Variants in MAN2A1 observed in about 807,000 individuals in gnomAD.
MAN2A1 encodes mannosidase alpha class 2A member 1, also known as alpha-mannosidase 2.
In MAN2A1, 76 loss-of-function variants were observed where a neutral mutation model predicts 142.6. The observed-to-expected ratio is 0.53, with a 90% CI of 0.44 to 0.65. The LOEUF (loss-of-function observed/expected upper bound fraction) is 0.65. Among genes scored for constraint, MAN2A1 ranks in the 30% least tolerant of loss-of-function variants. The pLI, the probability that MAN2A1 is intolerant of heterozygous loss-of-function variation, is 0.00. For synonymous variants in MAN2A1, 559 were observed against 473.2 expected, an observed-to-expected ratio of 1.18 and a Z score of -2.35; for missense variants, 1,311 against 1,365.1, an observed-to-expected ratio of 0.96 and a Z score of 0.62.
At chr5:109,789,321 A>G (rs748721706) in intron 11 of MAN2A1, 139 bp from the exon 12 acceptor site, 6 of 564,086 alleles carry the variant, frequency 1.1e-5, no homozygotes, top group Non-Finnish European at 1.8e-5. Flanking sequence ...CTTGGCTTTA[A>G]TTAGAAACCC....
intron 12 of MAN2A1, among the ~76,000 whole-genome samples, chr5:109,799,126 G>C (rs1400950329): frequency 6.6e-6 from 1 of 152,166 alleles, no homozygotes; most frequent in Non-Finnish European, 1.5e-5. Flanking sequence ...TCACACATTT[G>C]TTGGCGGAGT....
At chr5:109,753,734 A>G (rs1245905668) in intron 4 of MAN2A1, among the ~76,000 whole-genome samples, 1 of 152,130 alleles carries the variant, frequency 6.6e-6, no homozygotes, top group Non-Finnish European at 1.5e-5. Context: ...GTCTGCTTCA[A>G]CTAAATTTGG....
intron 4 of MAN2A1, 42 bp from the exon 5 acceptor site, chr5:109,755,287 C>G (rs1174062400): frequency 1.3e-6 from 2 of 1,506,180 alleles, no homozygotes; most frequent in African/African-American, 2.8e-5. Context: ...TTGAACTTTT[C>G]TTAACATTTA....
intron 3 of MAN2A1, among the ~76,000 whole-genome samples, chr5:109,720,815 T>C (rs1016613554): frequency 6.6e-6 from 1 of 152,194 alleles, no homozygotes; most frequent in Non-Finnish European, 1.5e-5. Flanking sequence ...TGGTGGAGAC[T>C]TAGAAGTCTG....
At chr5:109,749,274 A>G (rs1752486653) in intron 4 of MAN2A1, among the ~76,000 whole-genome samples, 2 of 152,134 alleles carry the variant, frequency 1.3e-5, no homozygotes, top group Middle Eastern at 3.2e-3. Context: ...GATTCTACAT[A>G]GGGGAAAAAG....
rs1334314723 is a variant in MAN2A1 at position 109,690,633 on chromosome 5, T to C, written c.135+81T>C. 7 of 1,461,784 alleles carry C rather than the reference T, an allele frequency of 4.8e-6. No individual in the cohort carries two copies. In the East Asian group the frequency reaches 1.5e-4, roughly 31 times the overall value. The allele number at this position is 1,461,784 out of a possible 1,614,324, so 90.6% of individuals were successfully genotyped here. On this transcript the variant is annotated intron_variant, in intron 1 of 21. Transcript: ENST00000261483. ...GGTTAGCGGCTGCTACCCAACCTCT[T>C]CCTCCCGCCGCGGCCCCACACCCGT...
In MAN2A1 at chr5:109,767,526, T is replaced by C. The variant is rs1017610474; in HGVS notation, c.836-9T>C. The C allele has an allele frequency of 2.5e-6, 4 of 1,605,166 alleles. No homozygotes were observed. Among genetic ancestry groups the C allele is most frequent in the Non-Finnish European group, 3.4e-6 (4 of 1,177,184 alleles). On this transcript the variant is annotated splice_polypyrimidine_tract_variant and intron_variant, in intron 5 of 21. Transcript: ENST00000261483. The stretch of plus-strand genomic sequence containing the variant: ...TAAAAAAATTAACACTTATCATCTT[T>C]ATCCACAGGAGTGAAACCTCGGTCC...
At chr5:109,704,572 C>G (rs754892936) in intron 1 of MAN2A1, among the ~76,000 whole-genome samples, 1 of 152,132 alleles carries the variant, frequency 6.6e-6, no homozygotes, top group Non-Finnish European at 1.5e-5. Flanking sequence ...GGCCTCAGCA[C>G]TACACATCTT....
Position 109,775,692 on chromosome 5 carries a change from T to G in MAN2A1, c.1374+727T>G, listed in dbSNP as rs77582214. 3.6e-3 allele frequency among the ~76,000 whole-genome samples: 548 copies of G among 152,216 alleles called. 5 individuals carry two copies. Among genetic ancestry groups the G allele is most frequent in the African/African-American group, 0.013 (530 of 41,554 alleles). On this transcript the variant is annotated intron_variant, in intron 8 of 21. Coordinates refer to ENST00000261483, the MANE Select transcript of MAN2A1 (RefSeq NM_002372.4). ...TTTCATATAGTTTCACCTGTAAATA[T>G]TTCAGTATGTATCTCTAAATTATAA... is the stretch of plus-strand genomic sequence containing the variant.
rs983838265 is a variant in MAN2A1, at chr5:109,804,179, G to A, written c.1944-13094G>A. On this transcript the variant is annotated intron_variant, in intron 12 of 21. Transcript: ENST00000261483. Reference sequence around the variant, plus strand: ...ATTAATAAAGCGTGCACAACAAGAGGAACAAGGAAAAGGATTTTAGTGAAG... The same window carrying A: ...ATTAATAAAGCGTGCACAACAAGAGAAACAAGGAAAAGGATTTTAGTGAAG... The A allele has an allele frequency of 1.2e-5, 12 of 987,132 alleles. No individual in the cohort carries two copies. The Middle Eastern group carries it at 1.1e-3, about 92-fold the overall frequency. The allele number at this position is 987,132 out of a possible 1,614,324, so 61.1% of individuals were successfully genotyped here.
chr5:109,765,757 G>A (rs149601054), intron 5 of MAN2A1, among the ~76,000 whole-genome samples: 216 of 152,074 alleles, frequency 1.4e-3, no homozygotes, highest in African/African-American at 5.0e-3. Flanking sequence ...AATATTCACT[G>A]GGTTATAATG....
In MAN2A1 at chr5:109,784,738, A is replaced by T. The variant is rs780716295; in HGVS notation, c.1578-6A>T. ...TAAAATAAAAATATGACTTTTATGCAATTAGGGCTGCTGAAATTCTTTACT... is the reference window on the plus strand; with the variant it reads ...TAAAATAAAAATATGACTTTTATGCTATTAGGGCTGCTGAAATTCTTTACT... On this transcript the variant is annotated splice_polypyrimidine_tract_variant and splice_region_variant and intron_variant, in intron 9 of 21. Coordinates refer to ENST00000261483, the MANE Select transcript of MAN2A1 (RefSeq NM_002372.4). 6.3e-7 allele frequency: 1 copy of T among 1,581,734 alleles called. No homozygotes were observed. The highest frequency in any genetic ancestry group is 1.9e-5 in the Admixed American group (1 of 52,762).
At chr5:109,778,028 T>C (rs1007481275) in intron 8 of MAN2A1, among the ~76,000 whole-genome samples, 1 of 151,948 alleles carries the variant, frequency 6.6e-6, no homozygotes, top group African/African-American at 2.4e-5. Flanking sequence ...TTGCATTGGT[T>C]ACTGTTAGTC....
chr5:109,710,029 A>C (rs191742436), intron 1 of MAN2A1, among the ~76,000 whole-genome samples: 1 of 152,274 alleles, frequency 6.6e-6, no homozygotes, highest in East Asian at 1.9e-4. Flanking sequence ...GAGGGTGTTC[A>C]TTTCAAGAAT....
intron 4 of MAN2A1, among the ~76,000 whole-genome samples, chr5:109,737,828 A>C (rs977326119): frequency 1.3e-5 from 2 of 152,150 alleles, no homozygotes; most frequent in South Asian, 2.1e-4. Flanking sequence ...AAAGGCCTAA[A>C]GTTTGCTTGT....
At position 109,749,511 on chromosome 5, in the gene MAN2A1, T is replaced by C. The variant is rs529756892; in HGVS notation, c.708-5818T>C. ...TGTAAAAAGTGAAAGACAAGTATTG[T>C]TAATTTTGAAAATTAGTTCCTGGTT... On this transcript the variant is annotated intron_variant, in intron 4 of 21. Transcript: ENST00000261483. 2.6e-5 allele frequency among the ~76,000 whole-genome samples: 4 copies of C among 152,250 alleles called. No individual in the cohort carries two copies. In the East Asian group the frequency reaches 5.8e-4, roughly 22 times the overall value.
chr5:109,806,570 C>T (rs776211443), intron 12 of MAN2A1, among the ~76,000 whole-genome samples: 2 of 152,122 alleles, frequency 1.3e-5, no homozygotes, highest in Non-Finnish European at 2.9e-5. Context: ...TAACTGTCTG[C>T]CCCAGTAATA....
intron 8 of MAN2A1, among the ~76,000 whole-genome samples, chr5:109,780,744 A>T (rs28435628): frequency 0.084 from 12,803 of 152,210 alleles, 641 homozygotes; most frequent in African/African-American, 0.15. Context: ...GATTTAAATC[A>T]TTAGTCAGAA....
intron 4 of MAN2A1, among the ~76,000 whole-genome samples, chr5:109,741,330 T>C (rs1330212279): frequency 6.6e-6 from 1 of 152,190 alleles, no homozygotes; most frequent in Non-Finnish European, 1.5e-5. Flanking sequence ...GGTAATAGCA[T>C]TCCCCCCCAC....
Sources: allele counts gnomAD v4.1 joint callset (sites outside exome capture counted in the v4.1 genomes callset), GRCh38; gene constraint gnomAD v4.1.1; transcripts MANE v1.5; gene names NCBI Gene and HGNC (gene_info 2026-07-23, HGNC 2026-07-21).